Variants in RC3H2 observed in about 807,000 individuals in gnomAD.
RC3H2 encodes the protein ring finger and CCCH-type domains 2.
RC3H2 carries 31 observed loss-of-function variants against 133.3 expected under a neutral mutation model. The observed-to-expected ratio is 0.23, with a 90% CI of 0.17 to 0.31. The LOEUF is 0.31. RC3H2 is among the 10% of genes least tolerant of loss of function. The pLI is 1.00. For synonymous variants in RC3H2, 517 were observed against 502.2 expected, an observed-to-expected ratio of 1.03 and a Z score of -0.40; for missense variants, 1,175 against 1,437.2, an observed-to-expected ratio of 0.82 and a Z score of 2.95.
At chr9:122,889,148 T>C (rs1423847310) in intron 4 of RC3H2, among the ~76,000 whole-genome samples, 2 of 152,182 alleles carry the variant, frequency 1.3e-5, no homozygotes, top group Non-Finnish European at 2.9e-5. Context: ...AATTTATAAA[T>C]ATTTTCCCCA....
chr9:122,852,649 C>A (rs553580671), intron 18 of RC3H2, among the ~76,000 whole-genome samples: 4 of 150,524 alleles, frequency 2.7e-5, no homozygotes, highest in African/African-American at 9.7e-5. Context: ...CAGCTCCCAA[C>A]CCGGCCAGCC....
chr9:122,859,818 G>A, intron 11 of RC3H2, 99 bp downstream of exon 11: 2 of 1,019,470 alleles, frequency 2.0e-6, no homozygotes, highest in Non-Finnish European at 3.0e-6. Flanking sequence ...TAGTCAAAAG[G>A]ATTAATTTTT....
chr9:122,854,608 G>A lies in RC3H2; in HGVS notation c.2823C>T (p.Val941=), dbSNP rs750527462. 1 of 1,609,206 alleles carries A rather than the reference G, an allele frequency of 6.2e-7. No individual in the cohort carries two copies. The highest frequency in any genetic ancestry group is 1.7e-5 in the Admixed American group (1 of 60,016). The change falls in exon 16 of 21, where the codon GTC becomes GTT. Residue 941 remains valine (V), a synonymous_variant. Coordinates refer to ENST00000357244, the MANE Select transcript of RC3H2 (RefSeq NM_001100588.3). ...ATKPISVSDY[V]PYVNAVDSRW... The stretch of plus-strand genomic sequence containing the variant: ...TTGAATCAACAGCATTGACATAAGG[G>A]ACATAATCTACAGACATGTAGAATG...
At chr9:122,861,505 A>AAG (rs1588062512) in intron 10 of RC3H2, among the ~76,000 whole-genome samples, 1 of 121,486 alleles carries the variant, frequency 8.2e-6, no homozygotes, top group African/African-American at 3.2e-5. Flanking sequence ...AAAAAAAAAA[A>AAG]AAAAGAAAAG....
intron 4 of RC3H2, among the ~76,000 whole-genome samples, chr9:122,886,054 A>T (rs912150276): frequency 7.9e-5 from 12 of 151,842 alleles, no homozygotes; most frequent in African/African-American, 2.9e-4. Context: ...TGCCCAGCTA[A>T]TTTTTTTCTA....
At chr9:122,868,962 C>T (rs1228320913) in intron 9 of RC3H2, among the ~76,000 whole-genome samples, 2 of 143,278 alleles carry the variant, frequency 1.4e-5, no homozygotes, top group African/African-American at 2.6e-5. Flanking sequence ...AGTGCAATGG[C>T]GCGATCTCGG....
rs376530725 is a variant in RC3H2, at chr9:122,858,998, T to C, written c.1954A>G (p.Met652Val). 138 of 1,613,874 alleles carry C rather than the reference T, an allele frequency of 8.6e-5. No homozygotes were observed. The highest frequency in any genetic ancestry group is 1.1e-4 in the Non-Finnish European group (128 of 1,179,916). ...GTACTGTAATGATCGGCATATGGCA[T>C]GGAAGCAGGTGGGAGGGAGGACTCT... Reference protein sequence around the residue: ...VPESSLPPASMPYADHYSTFS... With the variant: ...VPESSLPPASVPYADHYSTFS... Residue 652 changes from methionine (M) to valine (V), a missense_variant, in exon 12 of 21, where the codon ATG becomes GTG. By Grantham distance (21) the Met-to-Val change is conservative. This residue lies in a region of RC3H2 where 490 missense variants were observed against 492.8 expected (regional missense o/e 0.99). Coordinates refer to ENST00000357244, the MANE Select transcript of RC3H2 (RefSeq NM_001100588.3).
At chr9:122,889,054 GT>G (rs1438703745) in intron 4 of RC3H2, among the ~76,000 whole-genome samples, 2 of 152,086 alleles carry the variant, frequency 1.3e-5, no homozygotes, top group African/African-American at 2.4e-5. Context: ...CAATTTTTCA[GT>G]TGGTTGTTGG....
chr9:122,900,377 T>C (rs1371434693), intron 1 of RC3H2, among the ~76,000 whole-genome samples: 1 of 152,204 alleles, frequency 6.6e-6, no homozygotes, highest in Non-Finnish European at 1.5e-5. Flanking sequence ...TTTCCAAATA[T>C]GTTTTTCTTC....
chr9:122,851,300 A>G (rs1830009645), intron 19 of RC3H2, 23 bp downstream of exon 19: 3 of 1,612,176 alleles, frequency 1.9e-6, no homozygotes, highest in Admixed American at 1.7e-5. Context: ...AAAGCCTCTC[A>G]ATTATCTAAT....
chr9:122,897,457 T>G lies in RC3H2; in HGVS notation c.53A>C (p.Tyr18Ser). 1 of 1,614,196 alleles carries G rather than the reference T, an allele frequency of 6.2e-7. No individual in the cohort carries two copies. The highest frequency in any genetic ancestry group is 1.1e-5 in the South Asian group (1 of 91,080). ...GTGCACATTCTCATCAAATTCATTA[T>G]AGCAGATTGGACAGGACAGAAATTC... ...WTEFLSCPIC[Y>S]NEFDENVHKP... Residue 18 changes from tyrosine to serine, a missense_variant, in exon 2 of 21, where the codon TAT becomes TCT. Tyr to Ser is a moderately radical substitution (Grantham distance 144, BLOSUM62 -2). This residue lies in a region of RC3H2 where 41 missense variants were observed against 88.0 expected (regional missense o/e 0.47). Coordinates refer to ENST00000357244, the MANE Select transcript of RC3H2 (RefSeq NM_001100588.3).
chr9:122,875,246 G>GCA, intron 9 of RC3H2: 1 of 1,551,120 alleles, frequency 6.4e-7, no homozygotes, highest in Non-Finnish European at 8.7e-7. Context: ...TCTTTTCACT[G>GCA]CACACACACT....
intron 4 of RC3H2, among the ~76,000 whole-genome samples, chr9:122,889,153 T>C (rs1260705244): frequency 6.6e-6 from 1 of 152,170 alleles, no homozygotes; most frequent in Non-Finnish European, 1.5e-5. Context: ...ATAAATATTT[T>C]CCCCAGTTGG....
chr9:122,876,642 A>T (rs1287521461), intron 9 of RC3H2, among the ~76,000 whole-genome samples: 1 of 151,868 alleles, frequency 6.6e-6, no homozygotes, highest in Admixed American at 6.6e-5. Flanking sequence ...AAAAAAAAAA[A>T]GTTGATACAC....
rs150065807 is a variant in RC3H2, at chr9:122,853,708, T to C, written c.3117+244A>G. On this transcript the variant is annotated intron_variant, in intron 18 of 20. Coordinates refer to ENST00000357244, the MANE Select transcript of RC3H2 (RefSeq NM_001100588.3). ...CAGAGGCTGCAGTGAGCCAAGATCGTGCCATTGCACTCCAGGCGATAGAGC... is the reference window on the plus strand; with the variant it reads ...CAGAGGCTGCAGTGAGCCAAGATCGCGCCATTGCACTCCAGGCGATAGAGC... The C allele has an allele frequency of 7.5e-4, 757 of 1,007,438 alleles. 4 individuals carry two copies. The African/African-American group carries it at 0.011, about 14-fold the overall frequency. 62.4% of individuals were successfully genotyped at this position (1,007,438 alleles called of 1,614,324 possible).
In RC3H2 at chr9:122,858,687, T is replaced by G; in HGVS notation, c.2265A>C (p.Thr755=). 6.2e-7 allele frequency: 1 copy of G among 1,610,408 alleles called. No individual in the cohort carries two copies. Among genetic ancestry groups the G allele is most frequent in the Non-Finnish European group, 8.5e-7 (1 of 1,179,246 alleles). Residue 755 remains threonine (T), a synonymous_variant, in exon 12 of 21, where the codon ACA becomes ACC. Transcript: ENST00000357244. ...VACQPPSEPR[T]TVPLPREPCG... is the part of the protein sequence containing the mutation. ...CACTTACCCTTGGTAAAGGCACAGT[T>G]GTCCTTGGCTCACTTGGTGGCTGAC...
At chr9:122,879,559 G>A (rs1831508263) in intron 8 of RC3H2, among the ~76,000 whole-genome samples, 196 bp downstream of exon 8, 1 of 152,136 alleles carries the variant, frequency 6.6e-6, no homozygotes, top group East Asian at 1.9e-4. Context: ...TCACACCCAA[G>A]ATACCCTCTA....
intron 9 of RC3H2, chr9:122,874,984 CCA>C (rs1480886826): frequency 1.1e-5 from 6 of 564,350 alleles, no homozygotes; most frequent in East Asian, 3.0e-5. Flanking sequence ...GGCAATGAAA[CCA>C]CAGTTTCTTC....
intron 12 of RC3H2, 60 bp from the exon 13 acceptor site, chr9:122,858,153 G>T: frequency 6.8e-7 from 1 of 1,474,518 alleles, no homozygotes; most frequent in Non-Finnish European, 9.4e-7. Flanking sequence ...AAATTTAACT[G>T]TGTGAAAATG....
Sources: allele counts gnomAD v4.1 joint callset (sites outside exome capture counted in the v4.1 genomes callset), GRCh38; gene constraint gnomAD v4.1.1; regional missense constraint gnomAD v4.1.1; transcripts MANE v1.5; gene names NCBI Gene and HGNC (gene_info 2026-07-23, HGNC 2026-07-21).